PTCH1: variants seen among roughly 807,000 people sequenced by gnomAD.
The protein encoded by PTCH1 is protein patched homolog 1.
In PTCH1, 14 loss-of-function variants were observed where a neutral mutation model predicts 144.6. The ratio of observed to expected loss-of-function variants is 0.10; its 90% CI spans 0.06 to 0.15. The LOEUF is 0.15. PTCH1 is among the 10% of genes least tolerant of loss of function. The pLI, the probability that PTCH1 is intolerant of heterozygous loss-of-function variation, is 1.00. For missense variants in PTCH1, 1,623 were observed against 1,948.3 expected (o/e 0.83, Z 3.14); for synonymous variants, 833 against 793.6 (o/e 1.05, Z -0.83).
At chr9:95,506,646 CCGCGCGCCCACGCCCGCTTG>C in intron 1 of PTCH1, 47 bp from the exon 2 acceptor site, 1 of 1,408,466 alleles carries the variant, frequency 7.1e-7, no homozygotes, top group South Asian at 1.3e-5. Flanking sequence ...GAGTCGCGGC[CCGCGCGCCCACGCCCGCTTG>C]CGCGCACCCG....
intron 3 of PTCH1, 200 bp from the exon 4 acceptor site, chr9:95,482,403 T>C (rs1841617121): frequency 1.7e-6 from 1 of 605,080 alleles, no homozygotes; most frequent in East Asian, 2.8e-5. Flanking sequence ...AATTAACATG[T>C]AGGGTGTTTA....
intron 7 of PTCH1, 116 bp downstream of exon 7, chr9:95,479,853 C>A (rs939429140): frequency 5.2e-6 from 8 of 1,531,654 alleles, no homozygotes; most frequent in Non-Finnish European, 6.3e-6. Flanking sequence ...ACCTGGCTAG[C>A]GAGGATAACG....
At chr9:95,516,541 A>C in exon 1 of PTCH1, 1 of 1,540,862 alleles carries the variant, frequency 6.5e-7, no homozygotes, top group South Asian at 1.2e-5. Flanking sequence ...ATTTCACATC[A>C]ATTCCTTTTT....
chr9:95,462,264 C>A (rs946765605), intron 15 of PTCH1, among the ~76,000 whole-genome samples: 7 of 152,136 alleles, frequency 4.6e-5, no homozygotes, highest in Non-Finnish European at 8.8e-5. Flanking sequence ...TTAAGAAAAA[C>A]CACTCTCCTC....
intron 2 of PTCH1, among the ~76,000 whole-genome samples, chr9:95,502,926 C>T (rs183296875): frequency 6.6e-6 from 1 of 152,154 alleles, no homozygotes; most frequent in Non-Finnish European, 1.5e-5. Context: ...AAAAAGATAA[C>T]ATTAACATGC....
rs1035631674 is a variant in PTCH1 at position 95,469,047 on chromosome 9, G to A, written c.1954C>T (p.His652Tyr). The A allele has an allele frequency of 1.2e-6, 2 of 1,613,952 alleles. No homozygotes were observed. Among genetic ancestry groups the A allele is most frequent in the African/African-American group, 1.3e-5 (1 of 74,900 alleles). ...GACTGCATGGTAATCTGCGTTTCAT[G>A]GGCAAAGCTGTGGCTGCTGTAGGGA... ...PPPYSSHSFA[H>Y]ETQITMQSTV... The change falls in exon 14 of 24, where the codon CAT (histidine) becomes TAT (tyrosine). Residue 652 changes from histidine to tyrosine, a missense_variant. His to Tyr is a moderately conservative substitution (Grantham distance 83). This residue lies in a region of PTCH1 where 179 missense variants were observed against 165.7 expected (regional missense o/e 1.08). Coordinates refer to ENST00000331920, the MANE Select transcript of PTCH1 (RefSeq NM_000264.5).
At chr9:95,469,662 G>C in intron 13 of PTCH1, 151 bp downstream of exon 13, 2 of 836,262 alleles carry the variant, frequency 2.4e-6, no homozygotes, top group South Asian at 1.3e-5. Context: ...TCCCCCTAGG[G>C]AAGCAGCCTC....
At position 95,458,554 on chromosome 9, in the gene PTCH1, T is replaced by G. The variant is rs1438705462; in HGVS notation, c.2888-261A>C. 8.5e-5 allele frequency among the ~76,000 whole-genome samples: 13 copies of G among 152,340 alleles called. No homozygotes were observed. The highest frequency in any genetic ancestry group is 2.6e-4 in the Admixed American group (4 of 15,304). On this transcript the variant is annotated intron_variant, in intron 17 of 23. Transcript: ENST00000331920. The surrounding 1 kb of genome is among the most constrained non-coding windows in gnomAD (Gnocchi z 4.7). ...CATTCTTTGTGAGGGGTCTAAAAAC[T>G]CCAGGCTTACATTTTGGGAACATTT...
intron 1 of PTCH1, chr9:95,507,501 C>T (rs1843778922): frequency 1.1e-6 from 1 of 950,818 alleles, no homozygotes; most frequent in Non-Finnish European, 1.3e-6. Flanking sequence ...TTTAAGGTGG[C>T]AATTTGTTTA....
At chr9:95,477,780 C>T in intron 9 of PTCH1, 78 bp from the exon 10 acceptor site, 1 of 1,568,306 alleles carries the variant, frequency 6.4e-7, no homozygotes, top group Non-Finnish European at 8.7e-7. Context: ...TCCCTCCACC[C>T]ATCACCCCAA....
chr9:95,468,210 G>A (rs377511232), intron 14 of PTCH1, among the ~76,000 whole-genome samples: 5 of 152,322 alleles, frequency 3.3e-5, no homozygotes, highest in South Asian at 4.1e-4. Context: ...GGGACTATAG[G>A]CACATCACCA....
intron 2 of PTCH1, among the ~76,000 whole-genome samples, chr9:95,487,778 T>A (rs567623316): frequency 6.6e-6 from 1 of 152,232 alleles, no homozygotes; most frequent in Non-Finnish European, 1.5e-5. Context: ...TGGTTTTTCA[T>A]TCTGATTACA....
At chr9:95,450,144 A>G in intron 20 of PTCH1, 1 of 610,514 alleles carries the variant, frequency 1.6e-6, no homozygotes, top group South Asian at 1.9e-5. Context: ...TGAGGACTAC[A>G]TTCCACAACC....
Position 95,477,662 on chromosome 9 carries a change from G to A in PTCH1, c.1388C>T (p.Ser463Phe). Residue 463 changes from serine to phenylalanine, a missense_variant, in exon 10 of 24, where the codon TCC becomes TTC. Around this residue, in one of 7 missense-constraint regions of PTCH1, gnomAD observed 135 missense variants for 228.7 expected, o/e 0.59. Transcript: ENST00000331920. ...ACLTMLRWDC[S>F]KSQGAVGLAG... ...CAGCCCCACGGCACCCTGGGACTTG[G>A]AGCAGTCCCAGCGCAGCATGGTTAG... The A allele has an allele frequency of 6.2e-7, 1 of 1,614,192 alleles. No homozygotes were observed. The highest frequency in any genetic ancestry group is 8.5e-7 in the Non-Finnish European group (1 of 1,180,032).
At chr9:95,507,345 G>A in intron 1 of PTCH1, 3 of 985,522 alleles carry the variant, frequency 3.0e-6, no homozygotes, top group East Asian at 1.1e-4. Context: ...GCCGGCGCAG[G>A]CTGCTCCCCG....
At chr9:95,448,302 C>T (rs1223624185) in intron 22 of PTCH1, among the ~76,000 whole-genome samples, 1 of 152,208 alleles carries the variant, frequency 6.6e-6, no homozygotes, top group Admixed American at 6.5e-5. Context: ...AAGGGCTGCT[C>T]TGGCCTGGGA....
upstream of PTCH1, among the ~76,000 whole-genome samples, chr9:95,511,255 C>T (rs1351624552): frequency 1.3e-5 from 2 of 151,824 alleles, no homozygotes; most frequent in East Asian, 3.9e-4. Flanking sequence ...GGCGGTTTCC[C>T]CTCCCCGCTT....
chr9:95,506,674 C>A (rs1362548459), intron 1 of PTCH1, 75 bp from the exon 2 acceptor site: 2 of 1,380,528 alleles, frequency 1.4e-6, no homozygotes, highest in Non-Finnish European at 1.9e-6. Flanking sequence ...TTGCGCGCAC[C>A]CGCCCGGTGA....
In PTCH1 at chr9:95,461,155, A is replaced by G. The variant is rs28488592; in HGVS notation, c.2703+701T>C. ...AGGAGTCCAAAACACACTCCTGAAC[A>G]CACCTGCAGAACCAAAAGGGGTATG... is the stretch of plus-strand genomic sequence containing the variant. On this transcript the variant is annotated intron_variant, in intron 16 of 23. Transcript: ENST00000331920. 7.7e-3 allele frequency among the ~76,000 whole-genome samples: 1,165 copies of G among 152,258 alleles called. 12 individuals carry two copies. Among genetic ancestry groups the G allele is most frequent in the African/African-American group, 0.026 (1,082 of 41,542 alleles).
Sources: allele counts gnomAD v4.1 joint callset (sites outside exome capture counted in the v4.1 genomes callset), GRCh38; gene constraint gnomAD v4.1.1; regional missense constraint gnomAD v4.1.1; non-coding constraint Gnocchi (gnomAD v3.1); transcripts MANE v1.5; gene names NCBI Gene and HGNC (gene_info 2026-07-23, HGNC 2026-07-21).